CEP164: variants seen among roughly 807,000 people sequenced by gnomAD.
CEP164 encodes the protein centrosomal protein of 164 kDa.
A neutral mutation model predicts 182.7 loss-of-function variants in CEP164; 162 were observed. That is an observed-to-expected ratio of 0.89 (90% CI 0.78 to 1.01). The LOEUF is 1.01. Ranked by LOEUF, CEP164 falls within the 50% of genes least tolerant of loss-of-function variation. CEP164 has a pLI of 0.00. For synonymous variants in CEP164, 661 were observed against 690.0 expected (o/e 0.96, Z 0.66); for missense variants, 1,735 against 1,790.4 (o/e 0.97, Z 0.56).
chr11:117,345,462 A>G (rs891484118), intron 4 of CEP164, among the ~76,000 whole-genome samples: 1 of 152,070 alleles, frequency 6.6e-6, no homozygotes. Flanking sequence ...CCTACCTTAG[A>G]TTGGTATTTC....
intron 8 of CEP164, among the ~76,000 whole-genome samples, chr11:117,365,031 G>A (rs114372716): frequency 0.014 from 2,120 of 152,304 alleles, 43 homozygotes; most frequent in African/African-American, 0.048. Context: ...AATCTGTTTA[G>A]TTCCCTGAAA....
At chr11:117,327,201 T>C (rs2035497987), upstream of CEP164, among the ~76,000 whole-genome samples, 1 of 152,188 alleles carries the variant, frequency 6.6e-6, no homozygotes, top group African/African-American at 2.4e-5. Context: ...ACTGGTTTAA[T>C]AGGAGCACAG....
rs766767994 is a variant in CEP164, at chr11:117,387,386, T to C, written c.1908T>C (p.Leu636=). 1 of 1,614,092 alleles carries C rather than the reference T, an allele frequency of 6.2e-7. No homozygotes were observed. The highest frequency in any genetic ancestry group is 1.1e-5 in the South Asian group (1 of 91,078). Residue 636 remains leucine, a synonymous_variant, in exon 15 of 33, where the codon CTT becomes CTC. Coordinates refer to ENST00000278935, the MANE Select transcript of CEP164 (RefSeq NM_014956.5). ...AGGAGGAAGAGGAGATCCTCCGGCTTCACCAGCAGAAAGAGCAATCTCTCA... is the reference window on the plus strand; with the variant it reads ...AGGAGGAAGAGGAGATCCTCCGGCTCCACCAGCAGAAAGAGCAATCTCTCA... ...CQEEEEEILR[L]HQQKEQSLSS...
At chr11:117,371,589 G>A in intron 9 of CEP164, 123 bp downstream of exon 9, 1 of 1,208,100 alleles carries the variant, frequency 8.3e-7, no homozygotes, top group Non-Finnish European at 1.1e-6. Context: ...GCGTGTCCCT[G>A]CACTGGGCTG....
chr11:117,399,039 G>A (rs924511575), intron 27 of CEP164, among the ~76,000 whole-genome samples: 1 of 152,008 alleles, frequency 6.6e-6, no homozygotes, highest in African/African-American at 2.4e-5. Flanking sequence ...AGACCATGCA[G>A]GTTTGTTACA....
intron 8 of CEP164, chr11:117,363,995 G>A (rs2041328887): frequency 6.6e-6 from 1 of 152,000 alleles, no homozygotes; most frequent in South Asian, 2.1e-4. Context: ...CAAACTCCCG[G>A]TCTCAAGCAG....
intron 14 of CEP164, chr11:117,384,702 A>G (rs964096333): frequency 4.6e-5 from 7 of 152,214 alleles, no homozygotes; most frequent in Admixed American, 3.3e-4. Flanking sequence ...CCCTTAGGAA[A>G]TGCCTTCTCT....
chr11:117,387,156 G>A, intron 14 of CEP164, 47 bp from the exon 15 acceptor site: 1 of 1,513,514 alleles, frequency 6.6e-7, no homozygotes, highest in South Asian at 1.1e-5. Flanking sequence ...TGCAGAGGTG[G>A]GTGGACATTA....
chr11:117,408,935 G>C lies in CEP164; in HGVS notation c.3655G>C (p.Val1219Leu), dbSNP rs765062337. Residue 1219 changes from valine to leucine, a missense_variant, in exon 29 of 33, where the codon GTA (valine) becomes CTA (leucine). Physicochemically the swap from Val to Leu is conservative, Grantham distance 32. Transcript: ENST00000278935. ...GGGAGGATCCCCCACCAAGAAGGCA[G>C]TAACCTTCGACCTCAGTGACATGGA... Reference protein sequence around the residue: ...TLGGSPTKKAVTFDLSDMDSL... With the variant: ...TLGGSPTKKALTFDLSDMDSL... 1.2e-6 allele frequency: 2 copies of C among 1,614,190 alleles called. No homozygotes were observed. Among genetic ancestry groups the C allele is most frequent in the Non-Finnish European group, 1.7e-6 (2 of 1,180,038 alleles).
At chr11:117,326,062 C>T (rs2134536490), upstream of CEP164, among the ~76,000 whole-genome samples, 1 of 151,974 alleles carries the variant, frequency 6.6e-6, no homozygotes, top group East Asian at 1.9e-4. Context: ...AGGCATGCAC[C>T]ACCATGCCTG....
At chr11:117,397,059 T>C in intron 26 of CEP164, 32 bp from the exon 27 acceptor site, 1 of 1,593,744 alleles carries the variant, frequency 6.3e-7, no homozygotes, top group Non-Finnish European at 8.6e-7. Flanking sequence ...CTTAGAGGCT[T>C]CTGTTTTCCT....
chr11:117,369,833 GT>G (rs1345276473), intron 8 of CEP164, among the ~76,000 whole-genome samples: 1 of 152,238 alleles, frequency 6.6e-6, no homozygotes, highest in Non-Finnish European at 1.5e-5. Context: ...GCAGCCTTGG[GT>G]TTTTACTAGT....
At chr11:117,395,318 A>T (rs1322307423) in intron 23 of CEP164, 127 bp downstream of exon 23, 2 of 1,223,250 alleles carry the variant, frequency 1.6e-6, no homozygotes, top group East Asian at 5.0e-5. Flanking sequence ...GTTGGCCAGT[A>T]TTCCACAAAT....
chr11:117,386,214 T>A (rs1013229023), intron 14 of CEP164: 2 of 152,258 alleles, frequency 1.3e-5, no homozygotes, highest in African/African-American at 4.8e-5. Flanking sequence ...CACCGTAAGA[T>A]TGAGGGACCT....
Position 117,392,295 on chromosome 11 carries a change from C to T in CEP164, c.2353C>T (p.His785Tyr). ...ERLCSSLEAK[H>Y]REVVSSLQKK... ...GCTCTGCTCCTCATTGGAGGCCAAG[C>T]ACCGGGAGGTAAGATGCAGCATCCT... Residue 785 changes from histidine (H) to tyrosine (Y), a missense_variant, in exon 18 of 33, where the codon CAC becomes TAC. By Grantham distance (83) the His-to-Tyr change is moderately conservative. Transcript: ENST00000278935. 1 of 1,610,566 alleles carries T rather than the reference C, an allele frequency of 6.2e-7. No individual in the cohort carries two copies. Among genetic ancestry groups the T allele is most frequent in the Non-Finnish European group, 8.5e-7 (1 of 1,179,598 alleles).
intron 5 of CEP164, chr11:117,355,010 G>A: frequency 7.8e-7 from 1 of 1,289,760 alleles, no homozygotes; most frequent in Non-Finnish European, 1.0e-6. Flanking sequence ...ACCTGGGCTT[G>A]CTGATCTGGA....
chr11:117,394,545 G>C lies in CEP164; in HGVS notation c.2760+52G>C. 6.3e-7 allele frequency: 1 copy of C among 1,599,684 alleles called. No individual in the cohort carries two copies. Among genetic ancestry groups the C allele is most frequent in the Non-Finnish European group, 8.5e-7 (1 of 1,172,914 alleles). ...CACTGTGACCCCTCCATGCACAGTA[G>C]GAAGGTGCTGGGAGCAGACGCATGG... is the stretch of plus-strand genomic sequence containing the variant. On this transcript the variant is annotated intron_variant, in intron 21 of 32. Transcript: ENST00000278935. This position sits in a 1 kb window ranked among gnomAD's most constrained non-coding sequence, Gnocchi z 4.0.
chr11:117,338,550 G>T lies in CEP164; in HGVS notation c.-21-16G>T, dbSNP rs907957373. 1.3e-6 allele frequency: 2 copies of T among 1,566,014 alleles called. No homozygotes were observed. Among genetic ancestry groups the T allele is most frequent in the Non-Finnish European group, 1.8e-6 (2 of 1,136,598 alleles). On this transcript the variant is annotated splice_polypyrimidine_tract_variant and intron_variant, in intron 2 of 32. Transcript: ENST00000278935. Reference sequence around the variant, plus strand: ...TCACTGATTTTTCTCTTTTGGTGGGGGCCTCTGGGATCTAGGTGTTTGAGC... The same window carrying T: ...TCACTGATTTTTCTCTTTTGGTGGGTGCCTCTGGGATCTAGGTGTTTGAGC...
intron 1 of CEP164, among the ~76,000 whole-genome samples, chr11:117,329,839 C>CT (rs61429989): frequency 0.13 from 12,022 of 95,524 alleles, 938 homozygotes; most frequent in African/African-American, 0.22. Context: ...TGCGCCTGGC[C>CT]TTTTTTTTTT....
Sources: gnomAD v4.1 joint callset for allele counts (sites outside exome capture counted in the v4.1 genomes callset) on GRCh38, gnomAD v4.1.1 for gene constraint, Gnocchi (gnomAD v3.1) non-coding constraint, MANE v1.5 for transcripts, NCBI Gene and HGNC (gene_info 2026-07-23, HGNC 2026-07-21) for gene names.